GRM3: variants seen among roughly 807,000 people sequenced by gnomAD.
GRM3 encodes the protein metabotropic glutamate receptor 3.
A neutral mutation model predicts 70.5 loss-of-function variants in GRM3; 26 were observed. The ratio of observed to expected loss-of-function variants is 0.37; its 90% confidence interval spans 0.27 to 0.51. The LOEUF (loss-of-function observed/expected upper bound fraction) is 0.51. Among genes scored for constraint, GRM3 ranks in the 20% least tolerant of loss-of-function variants. The pLI is 0.93. For synonymous variants in GRM3, 443 were observed against 434.9 expected (o/e 1.02, Z -0.23); for missense variants, 859 against 1,123.8 (o/e 0.76, Z 3.37).
At chr7:86,673,562 T>C (rs900356633) in intron 1 of GRM3, among the ~76,000 whole-genome samples, 1 of 152,162 alleles carries the variant, frequency 6.6e-6, no homozygotes, top group Non-Finnish European at 1.5e-5. Context: ...GATTGCTTCC[T>C]CAGACAACTG....
chr7:86,798,129 T>C (rs977725555), intron 3 of GRM3, among the ~76,000 whole-genome samples: 65 of 152,150 alleles, frequency 4.3e-4, no homozygotes, highest in African/African-American at 1.5e-3. Flanking sequence ...TAGGGCAGTA[T>C]AGAAGGAAAA....
At chr7:86,652,895 T>A (rs1188422247) in intron 1 of GRM3, among the ~76,000 whole-genome samples, 1 of 152,216 alleles carries the variant, frequency 6.6e-6, no homozygotes, top group East Asian at 1.9e-4. Context: ...CCCAGGCTAA[T>A]TGAAACGAAT....
intron 1 of GRM3, among the ~76,000 whole-genome samples, chr7:86,717,644 T>C (rs1795349915): frequency 6.6e-6 from 1 of 152,000 alleles, no homozygotes; most frequent in Non-Finnish European, 1.5e-5. Flanking sequence ...TTAGCCATTT[T>C]AGAGCAAGCC....
chr7:86,825,884 G>GATTTTC (rs1798222549), intron 3 of GRM3, among the ~76,000 whole-genome samples: 1 of 152,136 alleles, frequency 6.6e-6, no homozygotes, highest in Non-Finnish European at 1.5e-5. Context: ...CTCTGAATGG[G>GATTTTC]ATTTTCCCAG....
chr7:86,656,434 A>T (rs1793747255), intron 1 of GRM3, among the ~76,000 whole-genome samples: 2 of 151,608 alleles, frequency 1.3e-5, no homozygotes. Flanking sequence ...ACGGCTGGCT[A>T]GTTTTTGTAT....
At chr7:86,824,947 G>A (rs1017622232) in intron 3 of GRM3, among the ~76,000 whole-genome samples, 1 of 152,004 alleles carries the variant, frequency 6.6e-6, no homozygotes, top group Non-Finnish European at 1.5e-5. Flanking sequence ...TGATTTCTGG[G>A]GTTGATCAAT....
intron 1 of GRM3, among the ~76,000 whole-genome samples, chr7:86,680,882 G>T (rs996087726): frequency 6.6e-6 from 1 of 152,056 alleles, no homozygotes; most frequent in African/African-American, 2.4e-5. Context: ...ATCCTGGCCT[G>T]CCCACATGTA....
intron 1 of GRM3, among the ~76,000 whole-genome samples, chr7:86,689,729 A>G (rs1794654355): frequency 6.6e-6 from 1 of 152,196 alleles, no homozygotes; most frequent in African/African-American, 2.4e-5. Flanking sequence ...TAAGAGCAAT[A>G]AGAATTATTT....
At chr7:86,670,125 A>G (rs1160271321) in intron 1 of GRM3, among the ~76,000 whole-genome samples, 1 of 152,198 alleles carries the variant, frequency 6.6e-6, no homozygotes, top group Non-Finnish European at 1.5e-5. Context: ...AGTATTTTAC[A>G]ATGTTCTTTT....
At chr7:86,747,995 C>T (rs1310458668) in intron 1 of GRM3, among the ~76,000 whole-genome samples, 4 of 152,106 alleles carry the variant, frequency 2.6e-5, no homozygotes, top group Admixed American at 2.6e-4. Flanking sequence ...GTTGTTCCTC[C>T]TGTCTCCCTG....
chr7:86,721,751 G>A (rs967669448), intron 1 of GRM3, among the ~76,000 whole-genome samples: 1 of 152,096 alleles, frequency 6.6e-6, no homozygotes, highest in Non-Finnish European at 1.5e-5. Flanking sequence ...TTGTCAAGGG[G>A]ATGATACCAA....
intron 1 of GRM3, among the ~76,000 whole-genome samples, chr7:86,749,924 T>TG (rs1218325558): frequency 6.6e-6 from 1 of 152,040 alleles, no homozygotes; most frequent in Non-Finnish European, 1.5e-5. Flanking sequence ...ACTCAGTGAC[T>TG]GAGGAGTCCT....
At position 86,765,446 on chromosome 7, in the gene GRM3, A is replaced by G. The variant is rs899353785; in HGVS notation, c.301A>G (p.Arg101Gly). Residue 101 changes from arginine (R) to glycine (G), a missense_variant, in exon 2 of 6, where the codon AGG becomes GGG. Physicochemically the swap from Arg to Gly is moderately radical, Grantham distance 125. Transcript: ENST00000361669. ...LGVHILDTCS[R>G]DTYALEQSLE... ...TGTTCACATTTTGGATACATGTTCA[A>G]GGGATACCTATGCATTGGAGCAATC... 6.2e-7 allele frequency: 1 copy of G among 1,613,984 alleles called. No individual in the cohort carries two copies. The highest frequency in any genetic ancestry group is 8.5e-7 in the Non-Finnish European group (1 of 1,179,896).
intron 3 of GRM3, among the ~76,000 whole-genome samples, chr7:86,837,195 C>T (rs1798473273): frequency 6.6e-6 from 1 of 152,190 alleles, no homozygotes; most frequent in African/African-American, 2.4e-5. Context: ...CAGCCCAGCC[C>T]TCTAGGGGCA....
intron 2 of GRM3, among the ~76,000 whole-genome samples, chr7:86,772,123 C>T (rs1403810308): frequency 6.6e-6 from 1 of 152,006 alleles, no homozygotes; most frequent in Non-Finnish European, 1.5e-5. Flanking sequence ...TTAAGAACCA[C>T]ATTTTTTGTC....
At chr7:86,723,052 A>G (rs1222515838) in intron 1 of GRM3, among the ~76,000 whole-genome samples, 1 of 152,076 alleles carries the variant, frequency 6.6e-6, no homozygotes, top group African/African-American at 2.4e-5. Context: ...TACTCATACT[A>G]TGGAATTTGA....
chr7:86,743,491 C>T (rs1179974585), intron 1 of GRM3, among the ~76,000 whole-genome samples: 1 of 151,990 alleles, frequency 6.6e-6, no homozygotes, highest in Admixed American at 6.6e-5. Flanking sequence ...TATAAGGGTC[C>T]AAGGTTTATA....
chr7:86,841,403 A>G (rs1483676541), intron 4 of GRM3, among the ~76,000 whole-genome samples: 1 of 152,202 alleles, frequency 6.6e-6, no homozygotes, highest in East Asian at 1.9e-4. Flanking sequence ...GGCAAAGTCA[A>G]AGAGTGGAGT....
intron 1 of GRM3, among the ~76,000 whole-genome samples, chr7:86,699,365 C>G (rs1268093012): frequency 6.6e-6 from 1 of 152,012 alleles, no homozygotes; most frequent in Non-Finnish European, 1.5e-5. Flanking sequence ...GGTTCCTGCA[C>G]TGTTTATTGT....
Sources: allele counts gnomAD v4.1 joint callset (sites outside exome capture counted in the v4.1 genomes callset), GRCh38; gene constraint gnomAD v4.1.1; transcripts MANE v1.5; gene names NCBI Gene and HGNC (gene_info 2026-07-23, HGNC 2026-07-21).